The following BRINP3 variants were observed in gnomAD, a reference collection of about 807,000 sequenced individuals.
BRINP3 encodes the protein BMP/retinoic acid-inducible neural-specific protein 3.
Under a neutral mutation model 71.0 loss-of-function variants are expected in BRINP3, and 19 were observed. The ratio of observed to expected loss-of-function variants is 0.27; its 90% CI spans 0.19 to 0.39. The LOEUF (loss-of-function observed/expected upper bound fraction) is 0.39. Among genes scored for constraint, BRINP3 ranks in the 10% least tolerant of loss-of-function variants. The probability of loss-of-function intolerance (pLI) is 1.00; values close to 1 mark genes in which losing one functional copy is unlikely to be tolerated. For missense variants in BRINP3, 959 were observed against 940.8 expected (o/e 1.02, Z -0.25); for synonymous variants, 380 against 337.7 (o/e 1.13, Z -1.37).
intron 6 of BRINP3, among the ~76,000 whole-genome samples, chr1:190,212,933 G>T (rs1055612558): frequency 6.6e-6 from 1 of 151,986 alleles, no homozygotes; most frequent in Non-Finnish European, 1.5e-5. Flanking sequence ...ATTGCAAATT[G>T]ATTTTAACTT....
intron 2 of BRINP3, among the ~76,000 whole-genome samples, chr1:190,345,738 C>G (rs1270626827): frequency 7.6e-6 from 1 of 132,154 alleles, no homozygotes; most frequent in African/African-American, 2.9e-5. Context: ...AAAAAGAACA[C>G]TTGTTAAAAT....
chr1:190,334,019 C>T (rs648091), intron 2 of BRINP3, among the ~76,000 whole-genome samples: 85,146 of 151,598 alleles, frequency 0.56, 24,151 homozygotes, highest in Admixed American at 0.68. Flanking sequence ...ATTTGCACAA[C>T]GCTATATGAG....
rs537115921 is a variant in BRINP3, at chr1:190,132,327, T to A, written c.1184+28341A>T. 3.9e-5 allele frequency among the ~76,000 whole-genome samples: 6 copies of A among 152,222 alleles called. No homozygotes were observed. In the South Asian group the frequency reaches 1.2e-3, roughly 31 times the overall value. Reference sequence around the variant, plus strand: ...AACAGAATTGGGTTGATTTCACTTATGTTAACAGTGCCCTCATGTTATGCC... The same window carrying A: ...AACAGAATTGGGTTGATTTCACTTAAGTTAACAGTGCCCTCATGTTATGCC... On this transcript the variant is annotated intron_variant, in intron 7 of 7. Transcript: ENST00000367462.
chr1:190,243,986 G>C (rs768248842), intron 4 of BRINP3, among the ~76,000 whole-genome samples: 3 of 151,976 alleles, frequency 2.0e-5, no homozygotes, highest in Non-Finnish European at 2.9e-5. Flanking sequence ...ATCACCCCCA[G>C]ATGGGACTGT....
At chr1:190,355,749 A>T (rs1340867555) in intron 2 of BRINP3, among the ~76,000 whole-genome samples, 1 of 151,912 alleles carries the variant, frequency 6.6e-6, no homozygotes, top group Admixed American at 6.6e-5. Flanking sequence ...CTATGTACCA[A>T]GTTTTTCCCA....
At chr1:190,348,892 C>T (rs1668192251) in intron 2 of BRINP3, among the ~76,000 whole-genome samples, 1 of 152,128 alleles carries the variant, frequency 6.6e-6, no homozygotes, top group Admixed American at 6.6e-5. Context: ...TGAAAACAGG[C>T]ACCTATTTTA....
In BRINP3 at chr1:190,425,153, G is replaced by C. The variant is rs76305435; in HGVS notation, c.236+29502C>G. On this transcript the variant is annotated intron_variant, in intron 2 of 7. Coordinates refer to ENST00000367462, the MANE Select transcript of BRINP3 (RefSeq NM_199051.3). ...TAAAATAATGACAGACAATATAGGT[G>C]ATAGTTTGAAGGTGATATTTTGGAG... is the stretch of plus-strand genomic sequence containing the variant. Among the ~76,000 whole-genome samples the C allele has an allele frequency of 1.8e-3, 273 of 151,758 alleles. 6 individuals are homozygous for C. The East Asian group carries it at 0.046, about 25-fold the overall frequency.
At chr1:190,300,461 A>C (rs927398171) in intron 2 of BRINP3, among the ~76,000 whole-genome samples, 2 of 151,958 alleles carry the variant, frequency 1.3e-5, no homozygotes, top group African/African-American at 4.8e-5. Context: ...CTAAGGCTCC[A>C]CCTCTGGGGG....
intron 4 of BRINP3, among the ~76,000 whole-genome samples, chr1:190,236,164 TAAC>T (rs1342727009): frequency 6.6e-6 from 1 of 151,882 alleles, no homozygotes; most frequent in Non-Finnish European, 1.5e-5. Flanking sequence ...AAACAAGACA[TAAC>T]AAGGTTATGA....
At chr1:190,147,802 C>G (rs1048320921) in intron 7 of BRINP3, among the ~76,000 whole-genome samples, 5 of 152,288 alleles carry the variant, frequency 3.3e-5, no homozygotes, top group African/African-American at 1.2e-4. Context: ...CTCTGGTTCT[C>G]CCTGAGAGAA....
intron 7 of BRINP3, among the ~76,000 whole-genome samples, chr1:190,147,533 TCA>T (rs1323692647): frequency 1.3e-5 from 2 of 152,212 alleles, no homozygotes; most frequent in Non-Finnish European, 2.9e-5. Context: ...AGAAAATTCT[TCA>T]GTCATATTTT....
Position 190,098,546 on chromosome 1 carries a change from G to A in BRINP3, c.1773C>T (p.Asn591=), listed in dbSNP as rs1439881815. 5 of 1,614,066 alleles carry A rather than the reference G, an allele frequency of 3.1e-6. No homozygotes were observed. Among genetic ancestry groups the A allele is most frequent in the African/African-American group, 1.3e-5 (1 of 74,926 alleles). Residue 591 remains asparagine (N), a synonymous_variant, in exon 8 of 8, where the codon AAC becomes AAT. Transcript: ENST00000367462. ...TAGTCCGCTCCCAGTCTGGAAAGCTGTTTTCATTCACAGGCATAAACCAGC... is the reference window on the plus strand; with the variant it reads ...TAGTCCGCTCCCAGTCTGGAAAGCTATTTTCATTCACAGGCATAAACCAGC... ...SESWFMPVNE[N]SFPDWERTKL... is the part of the protein sequence containing the mutation.
At chr1:190,460,244 A>G (rs1044147066) in intron 1 of BRINP3, among the ~76,000 whole-genome samples, 19 of 150,688 alleles carry the variant, frequency 1.3e-4, no homozygotes, top group African/African-American at 4.3e-4. Flanking sequence ...TATAAATGTT[A>G]GAATTATTTA....
intron 1 of BRINP3, among the ~76,000 whole-genome samples, chr1:190,456,749 C>T (rs965295726): frequency 6.6e-6 from 1 of 151,748 alleles, no homozygotes; most frequent in Non-Finnish European, 1.5e-5. Flanking sequence ...TTTAAACGGG[C>T]AAAATTTAAT....
intron 4 of BRINP3, among the ~76,000 whole-genome samples, chr1:190,237,967 A>AT: frequency 6.6e-6 from 1 of 152,096 alleles, no homozygotes; most frequent in East Asian, 1.9e-4. Context: ...TTAAGAGGGG[A>AT]TTTTGCCCAT....
intron 1 of BRINP3, among the ~76,000 whole-genome samples, chr1:190,472,812 T>TACACACACACACACAC (rs67049979): frequency 1.6e-3 from 238 of 147,572 alleles, no homozygotes; most frequent in African/African-American, 5.1e-3. Context: ...TGGTAGAAAT[T>TACACACACACACACAC]ACACACACAC....
At chr1:190,111,290 A>C (rs553181737) in intron 7 of BRINP3, among the ~76,000 whole-genome samples, 36 of 151,686 alleles carry the variant, frequency 2.4e-4, no homozygotes, top group African/African-American at 7.7e-4. Context: ...CAGTTTACTC[A>C]AAATATTTCT....
chr1:190,383,511 T>A (rs1670684013), intron 2 of BRINP3, among the ~76,000 whole-genome samples: 7 of 152,122 alleles, frequency 4.6e-5, no homozygotes, highest in Admixed American at 3.9e-4. Flanking sequence ...GTTACTCATA[T>A]GAGATTCATT....
At chr1:190,127,353 A>T (rs2102338604) in intron 7 of BRINP3, among the ~76,000 whole-genome samples, 1 of 151,996 alleles carries the variant, frequency 6.6e-6, no homozygotes, top group South Asian at 2.1e-4. Context: ...GTTTTAAAGT[A>T]TTTATAGTTA....
Sources: allele counts gnomAD v4.1 joint callset (sites outside exome capture counted in the v4.1 genomes callset), GRCh38; gene constraint gnomAD v4.1.1; transcripts MANE v1.5; gene names NCBI Gene and HGNC (gene_info 2026-07-23, HGNC 2026-07-21).